OR4N2: variants seen among roughly 807,000 people sequenced by gnomAD.
The protein encoded by OR4N2 is olfactory receptor family 4 subfamily N member 2, also known as olfactory receptor 4N2.
For synonymous variants in OR4N2, 141 were observed against 140.4 expected (o/e 1.00, Z -0.03); for missense variants, 307 against 377.6 (o/e 0.81, Z 1.55).
intron 1 of OR4N2, among the ~76,000 whole-genome samples, chr14:19,804,202 T>A (rs1367836800): frequency 6.6e-6 from 1 of 152,204 alleles, no homozygotes; most frequent in Non-Finnish European, 1.5e-5. Flanking sequence ...TTTCTTTCAG[T>A]TCAGCTCTGA....
intron 1 of OR4N2, among the ~76,000 whole-genome samples, chr14:19,819,499 C>T (rs1879509989): frequency 1.3e-5 from 2 of 152,374 alleles, no homozygotes; most frequent in African/African-American, 2.4e-5. Context: ...CTTGCGTATG[C>T]TTCATGAAGT....
intron 1 of OR4N2, among the ~76,000 whole-genome samples, chr14:19,815,312 T>A (rs1325122323): frequency 6.6e-6 from 1 of 152,264 alleles, no homozygotes; most frequent in African/African-American, 2.4e-5. Context: ...TTCCTATTTC[T>A]CCACATCCTC....
chr14:19,806,549 T>C (rs1822130397), intron 1 of OR4N2, among the ~76,000 whole-genome samples: 2 of 152,176 alleles, frequency 1.3e-5, no homozygotes, highest in South Asian at 2.1e-4. Context: ...ACACTGAACA[T>C]TGGAGCACCC....
At chr14:19,813,644 A>C (rs1211033106) in intron 1 of OR4N2, among the ~76,000 whole-genome samples, 4 of 152,240 alleles carry the variant, frequency 2.6e-5, no homozygotes, top group African/African-American at 9.7e-5. Flanking sequence ...AGAGTTGCAC[A>C]ATGAGTTTAG....
intron 1 of OR4N2, among the ~76,000 whole-genome samples, chr14:19,819,271 G>C (rs1174236539): frequency 1.2e-4 from 18 of 152,356 alleles, no homozygotes; most frequent in African/African-American, 3.8e-4. Context: ...ATAATATCCT[G>C]AAGAGTGTTT....
intron 1 of OR4N2, among the ~76,000 whole-genome samples, chr14:19,808,573 A>C (rs1879221621): frequency 2.0e-5 from 3 of 152,224 alleles, no homozygotes. Context: ...GAAATCAGAG[A>C]TGACAGAAAT....
chr14:19,826,451 A>G (rs961782428), intron 1 of OR4N2, among the ~76,000 whole-genome samples: 31 of 152,264 alleles, frequency 2.0e-4, no homozygotes, highest in African/African-American at 7.0e-4. Flanking sequence ...CTACTTATCA[A>G]GCAGAGCAAA....
At chr14:19,818,420 C>G (rs1158705235) in intron 1 of OR4N2, among the ~76,000 whole-genome samples, 6 of 152,192 alleles carry the variant, frequency 3.9e-5, no homozygotes, top group African/African-American at 1.2e-4. Context: ...GCATTGATCC[C>G]TTTACCATTA....
intron 1 of OR4N2, among the ~76,000 whole-genome samples, chr14:19,817,984 G>T (rs1332913265): frequency 6.6e-6 from 1 of 152,134 alleles, no homozygotes; most frequent in Non-Finnish European, 1.5e-5. Context: ...CAGTTTCCAT[G>T]TGTTGTGCGA....
At chr14:19,814,422 C>T (rs1187883445) in intron 1 of OR4N2, among the ~76,000 whole-genome samples, 2 of 152,152 alleles carry the variant, frequency 1.3e-5, no homozygotes, top group Non-Finnish European at 2.9e-5. Flanking sequence ...ATTTCCTTTG[C>T]TAATGTCCTT....
chr14:19,817,373 G>A (rs1382593497), intron 1 of OR4N2, among the ~76,000 whole-genome samples: 1 of 152,222 alleles, frequency 6.6e-6, no homozygotes, highest in Non-Finnish European at 1.5e-5. Context: ...TTCAAAACTT[G>A]TTATTTGTCT....
In OR4N2 at chr14:19,806,310, TCTGTTGTCTTGAAGAG is replaced by T. The variant is rs1349236958; in HGVS notation, c.-10+2467_-10+2482del. ...TGGATAAAAAGGCAAGACACCACTGTCTGTTGTCTTGAAGAGACCAATCTATATGTAATGAAACCCA... is the reference window on the plus strand; with the variant it reads ...TGGATAAAAAGGCAAGACACCACTGTACCAATCTATATGTAATGAAACCCA... On this transcript the variant is annotated intron_variant, in intron 1 of 1. Transcript: ENST00000557677. 4.8e-3 allele frequency among the ~76,000 whole-genome samples: 727 copies of T among 151,440 alleles called. 4 individuals carry two copies. Among genetic ancestry groups the T allele is most frequent in the Non-Finnish European group, 8.4e-3 (566 of 67,310 alleles).
At chr14:19,822,559 TG>T (rs1391778056) in intron 1 of OR4N2, 2 of 152,292 alleles carry the variant, frequency 1.3e-5, no homozygotes, top group Non-Finnish European at 2.9e-5. Context: ...CTAGCTGTAC[TG>T]GCAATTTTAC....
intron 1 of OR4N2, among the ~76,000 whole-genome samples, chr14:19,821,640 C>G (rs1298449602): frequency 6.6e-6 from 1 of 152,184 alleles, no homozygotes; most frequent in African/African-American, 2.4e-5. Flanking sequence ...AGGGTTCTGT[C>G]TTTCTCACGA....
intron 1 of OR4N2, among the ~76,000 whole-genome samples, chr14:19,821,050 C>G (rs1281161142): frequency 1.3e-5 from 2 of 152,266 alleles, no homozygotes; most frequent in Non-Finnish European, 2.9e-5. Flanking sequence ...AACCCAAGGC[C>G]CTGGTGGTGT....
At chr14:19,827,407 TAAC>T in intron 1 of OR4N2, 30 bp from the exon 2 acceptor site, 2 of 1,513,280 alleles carry the variant, frequency 1.3e-6, no homozygotes, top group Non-Finnish European at 1.8e-6. Context: ...GACATAGTAA[TAAC>T]AATTAATTCT....
In OR4N2 at chr14:19,825,732, A is replaced by AT. The variant is rs1376092301; in HGVS notation, c.-9-1701dup. On this transcript the variant is annotated intron_variant, in intron 1 of 1. Transcript: ENST00000557677. ...CACCACGTCCAGCTAATTTTTTTGT[A>AT]TTTTTTTAGTAGAGATAGGGTTTCA... Among the ~76,000 whole-genome samples the AT allele has an allele frequency of 4.6e-5, 7 of 151,692 alleles. No homozygotes were observed. In the East Asian group the frequency reaches 9.7e-4, roughly 21 times the overall value.
chr14:19,828,291 G>T lies in OR4N2; in HGVS notation c.843G>T (p.Leu281Phe), dbSNP rs765160491. The T allele has an allele frequency of 2.5e-6, 4 of 1,613,706 alleles. No individual in the cohort carries two copies. Among genetic ancestry groups the T allele is most frequent in the Non-Finnish European group, 3.4e-6 (4 of 1,179,950 alleles). Residue 281 changes from leucine to phenylalanine, a missense_variant, in exon 2 of 2, where the codon TTG becomes TTT. Transcript: ENST00000557677. ...TCTTCCACACAGTGATTTTTCCTTT[G>T]TTGAATCCTGTCATTTATACCCTTC... is the stretch of plus-strand genomic sequence containing the variant. ...VSLFHTVIFP[L>F]LNPVIYTLRN...
At chr14:19,826,097 C>T (rs189418918) in intron 1 of OR4N2, among the ~76,000 whole-genome samples, 24 of 152,216 alleles carry the variant, frequency 1.6e-4, no homozygotes, top group African/African-American at 5.3e-4. Flanking sequence ...TAGAAAACAA[C>T]GAAATGTAGT....
Sources: gnomAD v4.1 joint callset for allele counts (sites outside exome capture counted in the v4.1 genomes callset) on GRCh38, gnomAD v4.1.1 for gene constraint, MANE v1.5 for transcripts, NCBI Gene and HGNC (gene_info 2026-07-23, HGNC 2026-07-21) for gene names.